The following ANK1 variants were observed in gnomAD, a reference collection of about 807,000 sequenced individuals.
The protein encoded by ANK1 is ankyrin 1.
In ANK1, 51 loss-of-function variants were observed where a neutral mutation model predicts 210.4. The ratio of observed to expected loss-of-function variants is 0.24; its 90% CI spans 0.19 to 0.31. The LOEUF (loss-of-function observed/expected upper bound fraction) is 0.31, where lower values mean the gene tolerates loss of function less well. Ranked by LOEUF, ANK1 falls within the 10% of genes least tolerant of loss-of-function variation. The pLI, the probability that ANK1 is intolerant of heterozygous loss-of-function variation, is 1.00. For synonymous variants in ANK1, 967 were observed against 1,025.9 expected (o/e 0.94, Z 1.10); for missense variants, 2,051 against 2,504.4 (o/e 0.82, Z 3.86).
At chr8:41,702,249 G>T in intron 20 of ANK1, 105 bp from the exon 21 acceptor site, 1 of 878,168 alleles carries the variant, frequency 1.1e-6, no homozygotes, top group Non-Finnish European at 1.8e-6. Context: ...TGTTCAGGAG[G>T]ACCTGAGTGG....
At chr8:41,753,386 C>T (rs1412021609) in intron 2 of ANK1, among the ~76,000 whole-genome samples, 1 of 152,014 alleles carries the variant, frequency 6.6e-6, no homozygotes, top group Non-Finnish European at 1.5e-5. Context: ...TCTTAAGTAC[C>T]CCATCCCTGC....
intron 2 of ANK1, among the ~76,000 whole-genome samples, chr8:41,743,060 T>A (rs1426901804): frequency 6.6e-6 from 1 of 152,228 alleles, no homozygotes; most frequent in Non-Finnish European, 1.5e-5. Flanking sequence ...AACTTGTACA[T>A]GTGTGACCTC....
In ANK1 at chr8:41,701,666, CA is replaced by C. The variant is rs3217508; in HGVS notation, c.2389-45del. The C allele has an allele frequency of 0.031, 49,898 of 1,594,166 alleles. 905 individuals carry two copies. The highest frequency in any genetic ancestry group is 0.073 in the African/African-American group (5,477 of 74,650). On this transcript the variant is annotated intron_variant, in intron 21 of 42. Coordinates refer to ENST00000289734, the MANE Select transcript of ANK1 (RefSeq NM_000037.4). ...GATAATTCAACCCAAACTAGAGCCG[CA>C]CACATTTTTTACCAGCCCAGCGGTT...
At chr8:41,858,339 C>A (rs1812592481) in intron 1 of ANK1, among the ~76,000 whole-genome samples, 2 of 141,324 alleles carry the variant, frequency 1.4e-5, no homozygotes, top group Non-Finnish European at 3.0e-5. Context: ...CGGAGTGACT[C>A]CATCTCAAAA....
rs768806998 is a variant in ANK1 at position 41,672,580 on chromosome 8, C to T, written c.4870G>A (p.Asp1624Asn). ...ELGSLELVED[D>N]TVDSDATNGL... is the part of the protein sequence containing the mutation. ...TTTGTGGCATCTGAATCCACTGTGT[C>T]GTCCTCCACAAGTTCCAGAGAGCCC... Residue 1624 changes from aspartate (D) to asparagine (N), a missense_variant, in exon 38 of 43, where the codon GAC (aspartate) becomes AAC (asparagine). Around this residue, in one of 6 missense-constraint regions of ANK1, gnomAD observed 496 missense variants for 533.4 expected, o/e 0.93. Transcript: ENST00000289734. 3.0e-5 allele frequency: 48 copies of T among 1,614,106 alleles called. 1 individual carries two copies. The South Asian group carries it at 4.7e-4, about 16-fold the overall frequency.
intron 36 of ANK1, 131 bp downstream of exon 36, chr8:41,686,021 C>T (rs1586070200): frequency 1.9e-5 from 27 of 1,422,352 alleles, no homozygotes; most frequent in East Asian, 4.6e-5. Context: ...GCGAGTGGTG[C>T]GTGAGTGTGT....
chr8:41,771,276 G>C (rs1390722014), intron 1 of ANK1, among the ~76,000 whole-genome samples: 1 of 152,080 alleles, frequency 6.6e-6, no homozygotes, highest in African/African-American at 2.4e-5. Context: ...CTCAACATTT[G>C]ATCTGGCATA....
chr8:41,769,922 A>AC (rs1842650004), intron 1 of ANK1, among the ~76,000 whole-genome samples: 1 of 137,806 alleles, frequency 7.3e-6, no homozygotes, highest in Admixed American at 7.3e-5. Flanking sequence ...AATATTAAAC[A>AC]CCTTTTTCAG....
In ANK1 at chr8:41,661,434, C is replaced by G; in HGVS notation, c.*32G>C. ...GGATGAGAAGGGCAGCGTTACCTCC[C>G]GAGAGGCTACTCCAAGGAGAGCGGC... On this transcript the variant is annotated 3_prime_UTR_variant, in exon 42 of 43. Coordinates refer to ENST00000289734, the MANE Select transcript of ANK1 (RefSeq NM_000037.4). 6.2e-7 allele frequency: 1 copy of G among 1,613,994 alleles called. No individual in the cohort carries two copies. Among genetic ancestry groups the G allele is most frequent in the Non-Finnish European group, 8.5e-7 (1 of 1,180,036 alleles).
At position 41,694,604 on chromosome 8, in the gene ANK1, C is replaced by A; in HGVS notation, c.3315G>T (p.Lys1105Asn). The change falls in exon 28 of 43, where the codon AAG becomes AAT. Residue 1105 changes from lysine to asparagine, a missense_variant. Lys to Asn is a moderately conservative substitution (Grantham distance 94). Coordinates refer to ENST00000289734, the MANE Select transcript of ANK1 (RefSeq NM_000037.4). The surrounding 1 kb of genome is among the most constrained non-coding windows in gnomAD (Gnocchi z 5.7). ...GGAGGGCTGTCACCTGCAGAGCCAG[C>A]TTCACTCTCTTGGTGACGGCATTCT... ...FPENAVTKRV[K>N]LALQAQPVPD... 6.2e-7 allele frequency: 1 copy of A among 1,613,370 alleles called. No homozygotes were observed. The highest frequency in any genetic ancestry group is 1.1e-5 in the South Asian group (1 of 90,962).
At chr8:41,796,052 T>C (rs185571965) in intron 1 of ANK1, among the ~76,000 whole-genome samples, 1 of 152,268 alleles carries the variant, frequency 6.6e-6, no homozygotes, top group Admixed American at 6.5e-5. Flanking sequence ...TATATACCAA[T>C]AACAGAGAAG....
chr8:41,697,956 G>T, intron 24 of ANK1, 87 bp downstream of exon 24: 1 of 1,262,252 alleles, frequency 7.9e-7, no homozygotes, highest in Non-Finnish European at 1.1e-6. Context: ...TGCCTATTGT[G>T]CTACGTACAG....
rs181182346 is a variant in ANK1, at chr8:41,661,425, G to A, written c.*36+5C>T. 93 of 1,613,866 alleles carry A rather than the reference G, an allele frequency of 5.8e-5. No homozygotes were observed. Among genetic ancestry groups the A allele is most frequent in the East Asian group, 4.0e-4 (18 of 44,870 alleles). On this transcript the variant is annotated splice_donor_5th_base_variant and intron_variant, in intron 42 of 42. Transcript: ENST00000289734. ...ATGCAGAGGGGATGAGAAGGGCAGCGTTACCTCCCGAGAGGCTACTCCAAG... is the reference window on the plus strand; with the variant it reads ...ATGCAGAGGGGATGAGAAGGGCAGCATTACCTCCCGAGAGGCTACTCCAAG...
At chr8:41,697,840 C>T (rs1011729614) in intron 24 of ANK1, 1 of 655,940 alleles carries the variant, frequency 1.5e-6, no homozygotes, top group South Asian at 1.7e-5. Flanking sequence ...CCCCATCTGA[C>T]CATCTCTTCC....
chr8:41,673,975 T>C (rs901267439), intron 37 of ANK1, among the ~76,000 whole-genome samples: 9 of 152,076 alleles, frequency 5.9e-5, no homozygotes, highest in Admixed American at 6.5e-5. Context: ...CATCGAGAGA[T>C]GTCCAGACAC....
chr8:41,733,111 CTT>C (rs1231107625), intron 3 of ANK1, among the ~76,000 whole-genome samples: 1 of 152,178 alleles, frequency 6.6e-6, no homozygotes, highest in Non-Finnish European at 1.5e-5. Context: ...AAAAATGAAA[CTT>C]ATTTTGCAAT....
intron 1 of ANK1, among the ~76,000 whole-genome samples, chr8:41,771,555 G>T (rs2150734360): frequency 6.6e-6 from 1 of 152,364 alleles, no homozygotes; most frequent in South Asian, 2.1e-4. Context: ...ATGGGCTGAA[G>T]AAAAGGCTAA....
At chr8:41,701,982 G>C (rs1218219823) in intron 21 of ANK1, 70 bp downstream of exon 21, 1 of 1,515,512 alleles carries the variant, frequency 6.6e-7, no homozygotes, top group Non-Finnish European at 9.2e-7. Flanking sequence ...CACTTCCAGA[G>C]TAACCCCAGG....
chr8:41,732,840 C>T (rs1292482461), intron 3 of ANK1, among the ~76,000 whole-genome samples: 3 of 152,064 alleles, frequency 2.0e-5, no homozygotes, highest in East Asian at 1.9e-4. Flanking sequence ...AGGGTTCAAG[C>T]GATTCCCCTG....
Sources: allele counts gnomAD v4.1 joint callset (sites outside exome capture counted in the v4.1 genomes callset), GRCh38; gene constraint gnomAD v4.1.1; regional missense constraint gnomAD v4.1.1; non-coding constraint Gnocchi (gnomAD v3.1); transcripts MANE v1.5; gene names NCBI Gene and HGNC (gene_info 2026-07-23, HGNC 2026-07-21).